The following CRCP variants were observed in gnomAD, a reference collection of about 807,000 sequenced individuals.
The protein encoded by CRCP is DNA-directed RNA polymerase III subunit RPC9.
CRCP carries 18 observed loss-of-function variants against 18.5 expected under a neutral mutation model. The ratio of observed to expected loss-of-function variants is 0.97; its 90% CI spans 0.67 to 1.44. The LOEUF (loss-of-function observed/expected upper bound fraction) is 1.44, where lower values mean the gene tolerates loss of function less well. CRCP is among the 40% of genes most tolerant of loss of function. The pLI, the probability that CRCP is intolerant of heterozygous loss-of-function variation, is 0.00. For missense variants in CRCP, 130 were observed against 176.4 expected, an observed-to-expected ratio of 0.74 and a Z score of 1.49; for synonymous variants, 53 against 62.9, an observed-to-expected ratio of 0.84 and a Z score of 0.75.
At chr7:66,149,996 C>T (rs1219120215) in intron 5 of CRCP, among the ~76,000 whole-genome samples, 10 of 151,966 alleles carry the variant, frequency 6.6e-5, no homozygotes, top group East Asian at 5.9e-4. Flanking sequence ...TTAGTAGAGA[C>T]GGGGTTTCAC....
chr7:66,115,388 T>C (rs1787228151), intron 1 of CRCP, among the ~76,000 whole-genome samples: 1 of 152,152 alleles, frequency 6.6e-6, no homozygotes. Flanking sequence ...CGGGTAGAGC[T>C]CTGCTTGCAG....
rs35847919 is a variant in CRCP at position 66,148,993 on chromosome 7, AC to A, written c.298-3214del. 1.2e-3 allele frequency among the ~76,000 whole-genome samples: 187 copies of A among 152,318 alleles called. 2 individuals carry two copies. The East Asian group carries it at 0.031, about 25-fold the overall frequency. ...TTTGAATCATTTTGAGGAAAGTAGG[AC>A]TTTAGGTTTGGCGACTTCAAGTTGC... On this transcript the variant is annotated intron_variant, in intron 5 of 5. Coordinates refer to ENST00000395326, the MANE Select transcript of CRCP (RefSeq NM_014478.5).
chr7:66,143,211 C>G (rs1173450996), intron 4 of CRCP, among the ~76,000 whole-genome samples: 1 of 152,164 alleles, frequency 6.6e-6, no homozygotes, highest in Admixed American at 6.5e-5. Flanking sequence ...TCATAACTCA[C>G]TCTCACTCAC....
In CRCP at chr7:66,152,813, A is replaced by G. The variant is rs1259200734; in HGVS notation, c.*456A>G. 1.3e-5 allele frequency: 2 copies of G among 156,824 alleles called. No individual in the cohort carries two copies. Among genetic ancestry groups the G allele is most frequent in the Non-Finnish European group, 1.4e-5 (1 of 70,842 alleles). The allele number at this position is 156,824 out of a possible 1,614,324, so 9.7% of individuals were successfully genotyped here. On this transcript the variant is annotated 3_prime_UTR_variant, in exon 6 of 6. Coordinates refer to ENST00000395326, the MANE Select transcript of CRCP (RefSeq NM_014478.5). ...TACTCTAAGTTAAAATGAGCCACTG[A>G]CCTTGGCTCACCTTAGAGGAATTTC... is the stretch of plus-strand genomic sequence containing the variant.
intron 2 of CRCP, among the ~76,000 whole-genome samples, chr7:66,128,287 G>A (rs1053703706): frequency 3.9e-5 from 6 of 152,026 alleles, no homozygotes; most frequent in African/African-American, 1.5e-4. Flanking sequence ...ATTTTAGAGG[G>A]GGCAACCTTC....
At chr7:66,115,701 A>G (rs1201745630) in intron 1 of CRCP, among the ~76,000 whole-genome samples, 2 of 152,194 alleles carry the variant, frequency 1.3e-5, no homozygotes, top group African/African-American at 2.4e-5. Flanking sequence ...AGGTATTACT[A>G]TCTTGTGTTC....
chr7:66,142,165 G>A (rs1170993718), intron 4 of CRCP, among the ~76,000 whole-genome samples: 3 of 152,030 alleles, frequency 2.0e-5, no homozygotes, highest in Non-Finnish European at 2.9e-5. Flanking sequence ...AGTCCTTTCC[G>A]ATTGGCTGCT....
chr7:66,147,806 C>T (rs1179635846), intron 5 of CRCP, among the ~76,000 whole-genome samples: 1 of 152,120 alleles, frequency 6.6e-6, no homozygotes, highest in Non-Finnish European at 1.5e-5. Flanking sequence ...CGCCTGTGAT[C>T]CCAGCACTTT....
At chr7:66,127,629 G>A (rs1787654691) in intron 1 of CRCP, 75 bp from the exon 2 acceptor site, 1 of 1,513,848 alleles carries the variant, frequency 6.6e-7, no homozygotes, top group African/African-American at 1.4e-5. Context: ...ATCTTGACAG[G>A]AATTCTTTTA....
chr7:66,140,543 A>G (rs1788105162), intron 4 of CRCP, among the ~76,000 whole-genome samples: 1 of 151,894 alleles, frequency 6.6e-6, no homozygotes, highest in Admixed American at 6.6e-5. Context: ...TTACAGGTGC[A>G]TGCCATCACC....
At chr7:66,124,151 G>C (rs1428003059) in intron 1 of CRCP, among the ~76,000 whole-genome samples, 2 of 148,558 alleles carry the variant, frequency 1.3e-5, no homozygotes, top group Admixed American at 6.8e-5. Flanking sequence ...CACGAGGTCA[G>C]GAGATCGAGA....
chr7:66,136,313 C>T (rs553182656), intron 4 of CRCP, among the ~76,000 whole-genome samples: 2 of 152,194 alleles, frequency 1.3e-5, no homozygotes, highest in African/African-American at 4.8e-5. Flanking sequence ...TCACCGCAAC[C>T]TCTGCCTTCG....
At chr7:66,138,085 A>G (rs1788021032) in intron 4 of CRCP, among the ~76,000 whole-genome samples, 1 of 152,240 alleles carries the variant, frequency 6.6e-6, no homozygotes, top group Non-Finnish European at 1.5e-5. Context: ...TTCTGAGAAC[A>G]GGTCTCTTGG....
chr7:66,136,322 C>G (rs979503965), intron 4 of CRCP, among the ~76,000 whole-genome samples: 14 of 151,898 alleles, frequency 9.2e-5, no homozygotes, highest in African/African-American at 3.1e-4. Context: ...CCTCTGCCTT[C>G]GGGTTCAAGT....
At chr7:66,119,728 A>C (rs898537049) in intron 1 of CRCP, 1 of 152,240 alleles carries the variant, frequency 6.6e-6, no homozygotes, top group Non-Finnish European at 1.5e-5. Flanking sequence ...TTGATTATCA[A>C]CCAACTTGTC....
chr7:66,127,763 CCT>C (rs1277576189), intron 2 of CRCP, 23 bp downstream of exon 2: 1 of 1,613,148 alleles, frequency 6.2e-7, no homozygotes, highest in East Asian at 2.2e-5. Context: ...GTTACATTTT[CCT>C]CTCTGATAGT....
intron 4 of CRCP, among the ~76,000 whole-genome samples, chr7:66,144,733 C>T (rs1788242988): frequency 6.6e-6 from 1 of 152,192 alleles, no homozygotes; most frequent in Non-Finnish European, 1.5e-5. Flanking sequence ...CCCACCTGGC[C>T]TCCCAAAGTG....
intron 4 of CRCP, among the ~76,000 whole-genome samples, chr7:66,138,600 A>G (rs932099016): frequency 3.5e-5 from 5 of 141,630 alleles, no homozygotes; most frequent in African/African-American, 1.3e-4. Context: ...CCTGGCTAAC[A>G]CGGTGAAACC....
intron 4 of CRCP, among the ~76,000 whole-genome samples, chr7:66,143,724 C>T (rs1788206904): frequency 6.6e-6 from 1 of 152,174 alleles, no homozygotes; most frequent in Non-Finnish European, 1.5e-5. Context: ...AAGCAGATGG[C>T]CAAGAACAGG....
Sources: allele counts gnomAD v4.1 joint callset (sites outside exome capture counted in the v4.1 genomes callset), GRCh38; gene constraint gnomAD v4.1.1; transcripts MANE v1.5; gene names NCBI Gene and HGNC (gene_info 2026-07-23, HGNC 2026-07-21).